Variants in COL4A1 observed in about 807,000 individuals in gnomAD.
COL4A1 encodes collagen alpha-1(IV) chain.
A neutral mutation model predicts 216.6 loss-of-function variants in COL4A1; 40 were observed. The ratio of observed to expected loss-of-function variants is 0.18; its 90% CI spans 0.14 to 0.24. The LOEUF (loss-of-function observed/expected upper bound fraction) is 0.24. COL4A1 is among the 10% of genes least tolerant of loss of function. The pLI is 1.00. For missense variants in COL4A1, 1,628 were observed against 2,196.8 expected (o/e 0.74, Z 5.18); for synonymous variants, 839 against 810.7 (o/e 1.03, Z -0.59).
At chr13:110,238,278 T>C (rs187816134) in intron 2 of COL4A1, among the ~76,000 whole-genome samples, 15 of 152,384 alleles carry the variant, frequency 9.8e-5, no homozygotes, top group African/African-American at 1.7e-4. Context: ...TTCTACTTAA[T>C]TGAGACTCTG....
intron 6 of COL4A1, 84 bp from the exon 7 acceptor site, chr13:110,212,006 A>T (rs1879825187): frequency 7.5e-7 from 1 of 1,326,992 alleles, no homozygotes; most frequent in Admixed American, 1.7e-5. Context: ...ACTCTGCCCT[A>T]CCCTTCATTT....
chr13:110,189,065 CTTGTT>C (rs1428013463), intron 24 of COL4A1, among the ~76,000 whole-genome samples: 1 of 152,026 alleles, frequency 6.6e-6, no homozygotes, highest in Admixed American at 6.6e-5. Flanking sequence ...TTGTTTTTTG[CTTGTT>C]TTGTTTTGTT....
At chr13:110,285,521 G>A (rs1418199799) in intron 1 of COL4A1, among the ~76,000 whole-genome samples, 3 of 152,054 alleles carry the variant, frequency 2.0e-5, no homozygotes, top group Admixed American at 6.6e-5. Context: ...ACCTTGCCTG[G>A]GCCATGGGAT....
intron 8 of COL4A1, 68 bp from the exon 9 acceptor site, chr13:110,210,280 T>C (rs1879730219): frequency 6.8e-7 from 1 of 1,475,948 alleles, no homozygotes; most frequent in African/African-American, 1.4e-5. Context: ...CTGAAAACTC[T>C]TTGATAGTTG....
chr13:110,291,015 G>C (rs1254606850), intron 1 of COL4A1, among the ~76,000 whole-genome samples: 1 of 152,194 alleles, frequency 6.6e-6, no homozygotes, highest in African/African-American at 2.4e-5. Context: ...GTGCTCACAG[G>C]GCGGGTGGGG....
rs1881622178 is a variant in COL4A1 at position 110,242,751 on chromosome 13, ACTT to A, written c.85-20_85-18del. ...ACAGCCACCCTGGAAGGAAAAGAAA[ACTT>A]CTTTAAATAGAAGAACACTTTCAAA... On this transcript the variant is annotated intron_variant, in intron 1 of 51. Transcript: ENST00000375820. The A allele has an allele frequency of 1.9e-6, 3 of 1,613,804 alleles. No homozygotes were observed. The highest frequency in any genetic ancestry group is 2.2e-5 in the South Asian group (2 of 91,084).
intron 1 of COL4A1, among the ~76,000 whole-genome samples, chr13:110,258,765 T>C: frequency 6.6e-6 from 1 of 152,222 alleles, no homozygotes; most frequent in East Asian, 1.9e-4. Flanking sequence ...GTAGTCTTAC[T>C]ATGCAAAGAA....
chr13:110,183,509 G>T (rs1878272100), intron 26 of COL4A1, among the ~76,000 whole-genome samples: 1 of 152,158 alleles, frequency 6.6e-6, no homozygotes, highest in Admixed American at 6.5e-5. Flanking sequence ...CAAGATGTTT[G>T]TTGGACACAA....
chr13:110,250,495 CT>C (rs1222054104), intron 1 of COL4A1, among the ~76,000 whole-genome samples: 1 of 152,134 alleles, frequency 6.6e-6, no homozygotes, highest in East Asian at 1.9e-4. Flanking sequence ...CTTTTCTTCC[CT>C]TTTTCCCACT....
At position 110,253,384 on chromosome 13, in the gene COL4A1, TA is replaced by T. The variant is rs1882310133; in HGVS notation, c.85-10651del. Among the ~76,000 whole-genome samples, 2 of 1,570 alleles carry T rather than the reference TA, an allele frequency of 1.3e-3. 1 individual carries two copies. Among genetic ancestry groups the T allele is most frequent in the Non-Finnish European group, 6.7e-3 (2 of 300 alleles). The allele number at this position is 1,570 out of a possible 152,430, so 1.0% of individuals were successfully genotyped here. A position where few individuals can be genotyped will look rare whatever the true frequency, so the allele number is the denominator to read the frequency against. Reference sequence around the variant, plus strand: ...TATTACATATACATATAATTATATGTATTACATATACATATAATTATATGTA... The same window carrying T: ...TATTACATATACATATAATTATATGTTTACATATACATATAATTATATGTA... On this transcript the variant is annotated intron_variant, in intron 1 of 51. Transcript: ENST00000375820.
intron 2 of COL4A1, among the ~76,000 whole-genome samples, chr13:110,232,268 C>G (rs1881097063): frequency 2.0e-5 from 3 of 152,192 alleles, no homozygotes; most frequent in Admixed American, 2.0e-4. Context: ...GCACCACGTC[C>G]CCAGAGCCAT....
intron 41 of COL4A1, among the ~76,000 whole-genome samples, chr13:110,171,264 C>T (rs1225192894): frequency 2.6e-5 from 4 of 152,102 alleles, no homozygotes; most frequent in African/African-American, 4.8e-5. Flanking sequence ...AAAATGCAAA[C>T]TAACCTAGAG....
chr13:110,219,009 A>T (rs1310767120), intron 2 of COL4A1, among the ~76,000 whole-genome samples: 1 of 152,188 alleles, frequency 6.6e-6, no homozygotes, highest in Admixed American at 6.5e-5. Context: ...ATCAGAAGAG[A>T]CATCAGAAGA....
chr13:110,290,278 C>T (rs942824116), intron 1 of COL4A1, among the ~76,000 whole-genome samples: 5 of 152,166 alleles, frequency 3.3e-5, no homozygotes, highest in Non-Finnish European at 5.9e-5. Context: ...AACAAGCGCT[C>T]GGCAGGCGGC....
Position 110,219,842 on chromosome 13 carries a change from A to ATATG in COL4A1, c.145-5828_145-5827insCATA, listed in dbSNP as rs1594594328. On this transcript the variant is annotated intron_variant, in intron 2 of 51. Coordinates refer to ENST00000375820, the MANE Select transcript of COL4A1 (RefSeq NM_001845.6). ...TGTATATATATGTATGTATGTATAT[A>ATATG]TGTGTATATATATGTATATATGTGT... is the stretch of plus-strand genomic sequence containing the variant. 1.6e-4 allele frequency among the ~76,000 whole-genome samples: 9 copies of ATATG among 54,806 alleles called. 1 individual carries two copies. The East Asian group carries it at 3.7e-3, about 23-fold the overall frequency. 36.0% of individuals were successfully genotyped at this position (54,806 alleles called of 152,430 possible).
chr13:110,290,365 T>C (rs1208348873), intron 1 of COL4A1, among the ~76,000 whole-genome samples: 1 of 152,244 alleles, frequency 6.6e-6, no homozygotes, highest in Non-Finnish European at 1.5e-5. Context: ...AACATGTCCT[T>C]GCACTGTTTA....
At chr13:110,251,364 G>A (rs1882065209) in intron 1 of COL4A1, among the ~76,000 whole-genome samples, 2 of 152,250 alleles carry the variant, frequency 1.3e-5, no homozygotes, top group South Asian at 2.1e-4. Flanking sequence ...AGTGGGTGGG[G>A]CAGGGGAAGC....
At chr13:110,152,647 C>T (rs1876561233) in intron 50 of COL4A1, 141 bp from the exon 51 acceptor site, 2 of 1,073,884 alleles carry the variant, frequency 1.9e-6, no homozygotes, top group Admixed American at 4.0e-5. Context: ...ACAGGACACA[C>T]TCTGTGCCCA....
Position 110,162,402 on chromosome 13 carries a change from C to A in COL4A1, c.4290G>T (p.Leu1430Phe). 3 of 1,614,206 alleles carry A rather than the reference C, an allele frequency of 1.9e-6. No homozygotes were observed. Among genetic ancestry groups the A allele is most frequent in the South Asian group, 1.1e-5 (1 of 91,088 alleles). ...TGCCTGGGGGCCCCATGGATCCTGG[C>A]AACCCATCGGGGCCTGGTGGACCTG... ...GFPGPPGPDGLPGSMGPPGTP... is the reference protein window; with the variant it reads ...GFPGPPGPDGFPGSMGPPGTP... Residue 1430 changes from leucine (L) to phenylalanine (F), a missense_variant, in exon 48 of 52, where the codon TTG becomes TTT. Physicochemically the swap from Leu to Phe is conservative, Grantham distance 22 (BLOSUM62 0). Transcript: ENST00000375820.
Sources: gnomAD v4.1 joint callset for allele counts (sites outside exome capture counted in the v4.1 genomes callset) on GRCh38, gnomAD v4.1.1 for gene constraint, MANE v1.5 for transcripts, NCBI Gene and HGNC (gene_info 2026-07-23, HGNC 2026-07-21) for gene names.